The following ATP10A variants were observed in gnomAD, a reference collection of about 807,000 sequenced individuals.
The protein encoded by ATP10A is phospholipid-transporting ATPase VA.
A neutral mutation model predicts 147.8 loss-of-function variants in ATP10A; 111 were observed. The observed-to-expected ratio is 0.75, with a 90% CI of 0.64 to 0.88. ATP10A has a LOEUF of 0.88. ATP10A is among the 40% of genes least tolerant of loss of function. The probability of loss-of-function intolerance (pLI) is 0.00; values close to 1 mark genes in which losing one functional copy is unlikely to be tolerated. For synonymous variants in ATP10A, 875 were observed against 841.6 expected, an observed-to-expected ratio of 1.04 and a Z score of -0.69; for missense variants, 1,927 against 1,959.0, an observed-to-expected ratio of 0.98 and a Z score of 0.31.
intron 1 of ATP10A, among the ~76,000 whole-genome samples, chr15:25,819,637 C>A (rs939919123): frequency 4.6e-5 from 7 of 152,042 alleles, no homozygotes; most frequent in Admixed American, 2.0e-4. Flanking sequence ...GTATTGTTAT[C>A]ACTGCACTAT....
intron 1 of ATP10A, among the ~76,000 whole-genome samples, chr15:25,851,477 C>T (rs1893295707): frequency 6.6e-6 from 1 of 152,084 alleles, no homozygotes; most frequent in African/African-American, 2.4e-5. Context: ...CAAACCTTCC[C>T]CCTAAAAGGT....
intron 1 of ATP10A, among the ~76,000 whole-genome samples, chr15:25,819,316 T>C (rs1891786449): frequency 1.3e-5 from 2 of 152,006 alleles, no homozygotes; most frequent in Non-Finnish European, 2.9e-5. Flanking sequence ...AACAAGCAAG[T>C]GAAAAATGCT....
intron 1 of ATP10A, among the ~76,000 whole-genome samples, chr15:25,841,948 T>C (rs543558844): frequency 6.6e-6 from 1 of 152,136 alleles, no homozygotes; most frequent in African/African-American, 2.4e-5. Context: ...TGTAAGAGGT[T>C]TTGTTTTGGG....
downstream of ATP10A, among the ~76,000 whole-genome samples, chr15:25,673,387 C>T (rs1335269467): frequency 6.6e-6 from 1 of 152,218 alleles, no homozygotes; most frequent in Non-Finnish European, 1.5e-5. Context: ...TCCCGTGCAG[C>T]AGCCAATGGC....
intron 2 of ATP10A, among the ~76,000 whole-genome samples, chr15:25,766,094 G>A (rs531727142): frequency 1.7e-4 from 26 of 152,232 alleles, no homozygotes; most frequent in Middle Eastern, 3.4e-3. Flanking sequence ...ACATGGTGGC[G>A]GCAAGACAAA....
chr15:25,824,626 T>C (rs972490394), intron 1 of ATP10A, among the ~76,000 whole-genome samples: 2 of 151,090 alleles, frequency 1.3e-5, no homozygotes, highest in African/African-American at 4.9e-5. Context: ...TCAGTGAAGA[T>C]GGTGGAGTGA....
At chr15:25,688,153 C>A (rs1374230175) in intron 15 of ATP10A, among the ~76,000 whole-genome samples, 1 of 152,202 alleles carries the variant, frequency 6.6e-6, no homozygotes, top group Non-Finnish European at 1.5e-5. Context: ...CACAGAGATA[C>A]ATGGTGTTTA....
At chr15:25,728,656 T>A (rs911025555) in intron 3 of ATP10A, among the ~76,000 whole-genome samples, 1 of 152,132 alleles carries the variant, frequency 6.6e-6, no homozygotes, top group African/African-American at 2.4e-5. Context: ...TAACAAATCG[T>A]CTCCGAGTTC....
At chr15:25,732,943 T>C (rs1887031111) in intron 3 of ATP10A, among the ~76,000 whole-genome samples, 1 of 152,066 alleles carries the variant, frequency 6.6e-6, no homozygotes, top group Non-Finnish European at 1.5e-5. Context: ...CAGTCGATGA[T>C]ACCTCCAGGA....
chr15:25,735,965 A>G, intron 3 of ATP10A, 91 bp downstream of exon 3: 1 of 1,154,244 alleles, frequency 8.7e-7, no homozygotes, highest in Non-Finnish European at 1.3e-6. Context: ...AAAGAGTATT[A>G]AATGCATACT....
intron 1 of ATP10A, among the ~76,000 whole-genome samples, chr15:25,806,563 C>T (rs1438627349): frequency 1.3e-5 from 2 of 152,166 alleles, no homozygotes; most frequent in Non-Finnish European, 2.9e-5. Context: ...CCGCCCGCCT[C>T]AGCCTCCCAA....
chr15:25,803,383 C>T (rs1891026981), intron 1 of ATP10A, among the ~76,000 whole-genome samples: 1 of 152,188 alleles, frequency 6.6e-6, no homozygotes, highest in African/African-American at 2.4e-5. Flanking sequence ...TGGGCACTGC[C>T]CATGTCACAT....
chr15:25,686,049 C>A (rs866339941), intron 16 of ATP10A, among the ~76,000 whole-genome samples: 4 of 152,074 alleles, frequency 2.6e-5, no homozygotes, highest in South Asian at 2.1e-4. Flanking sequence ...CCGGCAAGCC[C>A]AGGAGTGGTG....
At position 25,862,863 on chromosome 15, in the gene ATP10A, G is replaced by C. The variant is rs757659000; in HGVS notation, c.234C>G (p.Asn78Lys). The change falls in exon 1 of 21, where the codon AAC becomes AAG. Residue 78 changes from asparagine (N) to lysine (K), a missense_variant. Transcript: ENST00000555815. Reference protein sequence around the residue: ...KYTLLSFLPKNLFEQFHRPAN... With the variant: ...KYTLLSFLPKKLFEQFHRPAN... ...CCGGGCGGTGGAACTGCTCGAACAG[G>C]TTCTTGGGCAGGAAGGACAGCAGCG... 27 of 1,611,378 alleles carry C rather than the reference G, an allele frequency of 1.7e-5. No homozygotes were observed. Among genetic ancestry groups the C allele is most frequent in the Non-Finnish European group, 2.1e-5 (25 of 1,178,998 alleles).
chr15:25,687,837 G>C lies in ATP10A; in HGVS notation c.3166-9C>G. The stretch of plus-strand genomic sequence containing the variant: ...TCGCTGGCCATCACTGCCTTCAAAG[G>C]GAGAGGGATTCCTGTTACTGGTGAT... On this transcript the variant is annotated splice_polypyrimidine_tract_variant and intron_variant, in intron 15 of 20. Coordinates refer to ENST00000555815, the MANE Select transcript of ATP10A (RefSeq NM_024490.4). 1 of 1,613,818 alleles carries C rather than the reference G, an allele frequency of 6.2e-7. No individual in the cohort carries two copies. The highest frequency in any genetic ancestry group is 8.5e-7 in the Non-Finnish European group (1 of 1,179,836).
At chr15:25,781,423 G>A (rs969196009) in intron 1 of ATP10A, among the ~76,000 whole-genome samples, 200 bp from the exon 2 acceptor site, 3 of 152,262 alleles carry the variant, frequency 2.0e-5, no homozygotes, top group East Asian at 1.9e-4. Context: ...TTGAGAGACC[G>A]AGGCGGGCAG....
chr15:25,690,811 T>G (rs2140307703), intron 15 of ATP10A, among the ~76,000 whole-genome samples: 1 of 152,318 alleles, frequency 6.6e-6, no homozygotes, highest in East Asian at 1.9e-4. Flanking sequence ...TTTTCAATTT[T>G]CTGGAGGAAG....
At chr15:25,730,583 CT>C (rs1317877715) in intron 3 of ATP10A, among the ~76,000 whole-genome samples, 2 of 152,248 alleles carry the variant, frequency 1.3e-5, no homozygotes, top group African/African-American at 4.8e-5. Context: ...GCAGAAACAC[CT>C]TAGCAAAGAT....
intron 1 of ATP10A, among the ~76,000 whole-genome samples, chr15:25,802,376 G>A (rs1053676361): frequency 3.9e-5 from 6 of 152,106 alleles, no homozygotes; most frequent in Non-Finnish European, 7.3e-5. Context: ...TCTCAGGCCC[G>A]TGAGCCTCCC....
Sources: gnomAD v4.1 joint callset for allele counts (sites outside exome capture counted in the v4.1 genomes callset) on GRCh38, gnomAD v4.1.1 for gene constraint, MANE v1.5 for transcripts, NCBI Gene and HGNC (gene_info 2026-07-23, HGNC 2026-07-21) for gene names.